Variants in KHDRBS2 observed in about 807,000 individuals in gnomAD.
KHDRBS2 encodes the protein KH RNA binding domain containing, signal transduction associated 2.
A neutral mutation model predicts 44.3 loss-of-function variants in KHDRBS2; 26 were observed. The observed-to-expected ratio is 0.59, with a 90% CI of 0.43 to 0.81. The LOEUF is 0.81. KHDRBS2 is among the 40% of genes least tolerant of loss of function. KHDRBS2 has a pLI of 0.00. For synonymous variants in KHDRBS2, 194 were observed against 151.1 expected, an observed-to-expected ratio of 1.28 and a Z score of -2.08; for missense variants, 476 against 433.1, an observed-to-expected ratio of 1.10 and a Z score of -0.88.
intron 2 of KHDRBS2, among the ~76,000 whole-genome samples, chr6:62,068,982 C>G (rs1210530197): frequency 2.0e-5 from 3 of 151,394 alleles, no homozygotes; most frequent in Admixed American, 2.0e-4. Flanking sequence ...ATTTATATTT[C>G]CATCTTAAAA....
At chr6:61,921,790 C>T (rs867662412) in intron 4 of KHDRBS2, among the ~76,000 whole-genome samples, 12 of 152,070 alleles carry the variant, frequency 7.9e-5, no homozygotes, top group South Asian at 2.1e-4. Flanking sequence ...GATTATCATT[C>T]TATTACATGG....
At chr6:62,252,008 T>C (rs1424427321) in intron 1 of KHDRBS2, among the ~76,000 whole-genome samples, 1 of 151,880 alleles carries the variant, frequency 6.6e-6, no homozygotes, top group African/African-American at 2.4e-5. Flanking sequence ...AATGAATAGC[T>C]TCCCTAGGAG....
chr6:62,254,406 A>G (rs1293126010), intron 1 of KHDRBS2, among the ~76,000 whole-genome samples: 1 of 152,074 alleles, frequency 6.6e-6, no homozygotes, highest in Non-Finnish European at 1.5e-5. Flanking sequence ...TAAGTTAGTG[A>G]CAAATGTTTT....
chr6:62,164,035 T>G (rs1462545714), intron 2 of KHDRBS2, among the ~76,000 whole-genome samples: 2 of 151,956 alleles, frequency 1.3e-5, no homozygotes, highest in African/African-American at 4.8e-5. Context: ...CGTGCATTTT[T>G]TTTCATAAAG....
chr6:62,091,575 G>A (rs1028744408), intron 2 of KHDRBS2, among the ~76,000 whole-genome samples: 2 of 152,118 alleles, frequency 1.3e-5, no homozygotes, highest in Non-Finnish European at 2.9e-5. Context: ...AGTGCAACTT[G>A]TTGTTGCAAG....
At chr6:62,102,866 TC>T (rs1158201562) in intron 2 of KHDRBS2, among the ~76,000 whole-genome samples, 16 of 152,162 alleles carry the variant, frequency 1.1e-4, no homozygotes, top group Admixed American at 2.0e-4. Flanking sequence ...GTTTGGTGGG[TC>T]CCAAATTTTT....
At chr6:61,750,774 A>AC (rs201447822) in intron 6 of KHDRBS2, among the ~76,000 whole-genome samples, 1,704 of 152,034 alleles carry the variant, frequency 0.011, 16 homozygotes, top group Non-Finnish European at 0.018. Flanking sequence ...AAAAAAAAAA[A>AC]AAACATCTAG....
intron 2 of KHDRBS2, among the ~76,000 whole-genome samples, chr6:62,054,532 G>A (rs965479277): frequency 1.7e-4 from 26 of 152,062 alleles, no homozygotes; most frequent in Non-Finnish European, 2.8e-4. Flanking sequence ...ATCTTGAGAT[G>A]AGGGATTATC....
At chr6:61,667,808 G>C in the KHDRBS2 span, among the ~76,000 whole-genome samples, 1 of 151,242 alleles carries the variant, frequency 6.6e-6, no homozygotes, top group South Asian at 2.1e-4. Flanking sequence ...GCAGGGTGAA[G>C]TGTTTTCTTG....
chr6:62,105,801 AT>A lies in KHDRBS2; in HGVS notation c.220-57808del, dbSNP rs564727195. Among the ~76,000 whole-genome samples, 581 of 151,594 alleles carry A rather than the reference AT, an allele frequency of 3.8e-3. 1 individual carries two copies. The highest frequency in any genetic ancestry group is 0.014 in the African/African-American group (562 of 41,314). On this transcript the variant is annotated intron_variant, in intron 2 of 8. Transcript: ENST00000281156. ...CTTCAGTTCTGCTCTGATTTTAGTT[AT>A]TTTTTGCCTTCTGCTAGCTTTTGAA...
the KHDRBS2 span, among the ~76,000 whole-genome samples, chr6:61,575,852 TA>T: frequency 6.6e-6 from 1 of 152,006 alleles, no homozygotes; most frequent in Admixed American, 6.6e-5. Flanking sequence ...GTAACTCAGG[TA>T]AAAAAGACCA....
chr6:61,896,169 C>T (rs1802901693), intron 5 of KHDRBS2, among the ~76,000 whole-genome samples: 1 of 152,152 alleles, frequency 6.6e-6, no homozygotes, highest in South Asian at 2.1e-4. Context: ...CACTGCTCCT[C>T]CAAGCACATT....
chr6:61,826,963 T>A (rs1790978864), intron 6 of KHDRBS2, among the ~76,000 whole-genome samples: 1 of 152,186 alleles, frequency 6.6e-6, no homozygotes, highest in South Asian at 2.1e-4. Context: ...TTATTCGATA[T>A]CTATCAGAAC....
At chr6:61,561,489 C>G in the KHDRBS2 span, among the ~76,000 whole-genome samples, 2 of 152,152 alleles carry the variant, frequency 1.3e-5, no homozygotes, top group African/African-American at 4.8e-5. Flanking sequence ...GAGCCAGGAC[C>G]TATAGTAAGA....
chr6:61,891,887 G>T (rs1801912199), intron 6 of KHDRBS2, among the ~76,000 whole-genome samples: 1 of 152,120 alleles, frequency 6.6e-6, no homozygotes, highest in Non-Finnish European at 1.5e-5. Context: ...CATAGTGTTG[G>T]AAGTTCTGGC....
chr6:62,056,870 T>G (rs1480739998), intron 2 of KHDRBS2, among the ~76,000 whole-genome samples: 1 of 151,948 alleles, frequency 6.6e-6, no homozygotes, highest in African/African-American at 2.4e-5. Flanking sequence ...TTTCAGAATT[T>G]TCTATTCTCT....
chr6:62,271,340 C>T (rs1381626028), intron 1 of KHDRBS2, among the ~76,000 whole-genome samples: 2 of 151,970 alleles, frequency 1.3e-5, no homozygotes, highest in African/African-American at 2.4e-5. Context: ...GTGGTGATGC[C>T]GGTGTTAGCA....
intron 6 of KHDRBS2, among the ~76,000 whole-genome samples, chr6:61,777,467 A>G (rs1241172703): frequency 6.6e-6 from 1 of 152,160 alleles, no homozygotes; most frequent in Admixed American, 6.6e-5. Flanking sequence ...AGAAAGAGTA[A>G]TGAACTTATT....
At chr6:61,706,799 T>G (rs914080840) in intron 7 of KHDRBS2, among the ~76,000 whole-genome samples, 1 of 151,794 alleles carries the variant, frequency 6.6e-6, no homozygotes, top group Non-Finnish European at 1.5e-5. Context: ...TATCTCAGTT[T>G]ATGTGACAAA....
Sources: gnomAD v4.1 joint callset for allele counts (sites outside exome capture counted in the v4.1 genomes callset) on GRCh38, gnomAD v4.1.1 for gene constraint, MANE v1.5 for transcripts, NCBI Gene and HGNC (gene_info 2026-07-23, HGNC 2026-07-21) for gene names.